The following TRIQK variants were observed in gnomAD, a reference collection of about 807,000 sequenced individuals.
TRIQK encodes triple QxxK/R motif-containing protein.
In TRIQK, 10 loss-of-function variants were observed where a neutral mutation model predicts 10.8. The ratio of observed to expected loss-of-function variants is 0.92; its 90% CI spans 0.57 to 1.57. The LOEUF (loss-of-function observed/expected upper bound fraction) is 1.57, where lower values mean the gene tolerates loss of function less well. TRIQK is among the 40% of genes most tolerant of loss of function. TRIQK has a pLI of 0.00. For missense variants in TRIQK, 107 were observed against 97.7 expected (o/e 1.09, Z -0.40); for synonymous variants, 33 against 33.7 (o/e 0.98, Z 0.07).
intron 1 of TRIQK, among the ~76,000 whole-genome samples, chr8:92,988,857 CT>C (rs1813065598): frequency 6.6e-6 from 1 of 152,112 alleles, no homozygotes; most frequent in Non-Finnish European, 1.5e-5. Context: ...ATATATTGAA[CT>C]GCATATCATA....
In TRIQK at chr8:92,939,433, C is replaced by T. The variant is rs77568110; in HGVS notation, c.-22+14973G>A. Among the ~76,000 whole-genome samples, 719 of 152,222 alleles carry T rather than the reference C, an allele frequency of 4.7e-3. 7 individuals carry two copies. The highest frequency in any genetic ancestry group is 0.016 in the African/African-American group (679 of 41,512). ...GCTCCACACAGCCAAAATGCCTACC[C>T]AATGACTCCATAAGGCAGGAAGACT... is the stretch of plus-strand genomic sequence containing the variant. On this transcript the variant is annotated intron_variant, in intron 2 of 4. Coordinates refer to ENST00000521988, the MANE Select transcript of TRIQK (RefSeq NM_001171797.2).
At position 92,928,935 on chromosome 8, in the gene TRIQK, T is replaced by C. The variant is rs539357496; in HGVS notation, c.-21-11925A>G. ...AAGTTAACTAAGTAGGCTAGAAAAA[T>C]GCAGCTAAGTTCCAAAAGTAATCTA... On this transcript the variant is annotated intron_variant, in intron 2 of 4. Transcript: ENST00000521988. Among the ~76,000 whole-genome samples the C allele has an allele frequency of 2.4e-4, 36 of 152,238 alleles. No homozygotes were observed. In the South Asian group the frequency reaches 7.5e-3, roughly 32 times the overall value.
intron 1 of TRIQK, among the ~76,000 whole-genome samples, chr8:92,985,046 T>C: frequency 6.6e-6 from 1 of 152,208 alleles, no homozygotes; most frequent in East Asian, 1.9e-4. Flanking sequence ...ATAAACTTAT[T>C]GTCCTAATTA....
At chr8:93,003,301 C>T (rs1026898976) in intron 1 of TRIQK, among the ~76,000 whole-genome samples, 4 of 105,258 alleles carry the variant, frequency 3.8e-5, no homozygotes, top group South Asian at 5.7e-4. Flanking sequence ...GCATGTTTCC[C>T]GCTTACAGGA....
intron 3 of TRIQK, among the ~76,000 whole-genome samples, chr8:92,901,631 GTTGGACTTTGGTTTA>G (rs905232300): frequency 3.9e-5 from 6 of 152,114 alleles, no homozygotes; most frequent in Admixed American, 3.9e-4. Flanking sequence ...TTAATGTGTT[GTTGGACTTTGGTTTA>G]CCAGAATTTG....
At chr8:93,001,449 G>A (rs1484079871) in intron 1 of TRIQK, among the ~76,000 whole-genome samples, 2 of 151,896 alleles carry the variant, frequency 1.3e-5, no homozygotes, top group Admixed American at 6.6e-5. Flanking sequence ...AAAGATATTC[G>A]ATGCAAATAG....
At chr8:92,928,572 T>G (rs1586441035) in intron 2 of TRIQK, among the ~76,000 whole-genome samples, 1 of 152,362 alleles carries the variant, frequency 6.6e-6, no homozygotes, top group East Asian at 1.9e-4. Context: ...TTTTGTTTTG[T>G]TTTTAAATTT....
chr8:92,914,246 T>TC (rs1187722373), intron 3 of TRIQK, among the ~76,000 whole-genome samples: 1 of 152,204 alleles, frequency 6.6e-6, no homozygotes, highest in Non-Finnish European at 1.5e-5. Context: ...AGAATGAATG[T>TC]CCCCCTTCTT....
At chr8:92,978,569 C>T (rs981527619) in intron 1 of TRIQK, among the ~76,000 whole-genome samples, 11 of 152,034 alleles carry the variant, frequency 7.2e-5, no homozygotes, top group Non-Finnish European at 5.9e-5. Flanking sequence ...CATGTGACAG[C>T]AGTAAGAATA....
intron 2 of TRIQK, among the ~76,000 whole-genome samples, chr8:92,951,971 T>C (rs1007927545): frequency 3.3e-5 from 5 of 151,936 alleles, no homozygotes; most frequent in African/African-American, 1.2e-4. Flanking sequence ...GTGTACCACA[T>C]AGCTCCATAC....
intron 3 of TRIQK, among the ~76,000 whole-genome samples, chr8:92,913,391 G>C (rs1809667828): frequency 1.3e-5 from 2 of 152,154 alleles, no homozygotes; most frequent in African/African-American, 2.4e-5. Flanking sequence ...CTGGTCATTA[G>C]AGAAATGCAA....
intron 3 of TRIQK, among the ~76,000 whole-genome samples, chr8:92,896,879 T>A (rs9642918): frequency 2.0e-5 from 3 of 151,054 alleles, no homozygotes; most frequent in African/African-American, 7.3e-5. Context: ...TGCAATGGCA[T>A]GATCCTGGCT....
At chr8:93,011,274 T>C (rs1813332059) in intron 1 of TRIQK, among the ~76,000 whole-genome samples, 1 of 151,710 alleles carries the variant, frequency 6.6e-6, no homozygotes, top group African/African-American at 2.4e-5. Flanking sequence ...TGTACTAAAA[T>C]AGCTAAAAGA....
At chr8:92,961,672 A>G (rs1215266781) in intron 1 of TRIQK, among the ~76,000 whole-genome samples, 1 of 152,218 alleles carries the variant, frequency 6.6e-6, no homozygotes, top group Non-Finnish European at 1.5e-5. Context: ...CATATAGTTC[A>G]TTATTCCATA....
At chr8:92,935,945 T>C (rs1810967124) in intron 2 of TRIQK, among the ~76,000 whole-genome samples, 1 of 151,618 alleles carries the variant, frequency 6.6e-6, no homozygotes, top group Non-Finnish European at 1.5e-5. Flanking sequence ...TGTTTAAAAA[T>C]CTACCCTTAA....
rs142410022 is a variant in TRIQK, at chr8:93,005,318, A to G, written c.-181+12291T>C. On this transcript the variant is annotated intron_variant, in intron 1 of 4. Transcript: ENST00000520686. ...AAGAGATAAGTGTTACACACTTTCA[A>G]ACAACCAGAGCTCATGATAACTCAC... 7.9e-5 allele frequency among the ~76,000 whole-genome samples: 12 copies of G among 152,352 alleles called. No homozygotes were observed. In the East Asian group the frequency reaches 2.1e-3, roughly 27 times the overall value.
intron 2 of TRIQK, among the ~76,000 whole-genome samples, chr8:92,932,277 C>G (rs577230363): frequency 6.6e-6 from 1 of 152,204 alleles, no homozygotes; most frequent in Admixed American, 6.6e-5. Context: ...ATATAACTAC[C>G]CCTAACTTCT....
intron 1 of TRIQK, among the ~76,000 whole-genome samples, chr8:92,976,377 C>G (rs1812931991): frequency 6.6e-6 from 1 of 151,990 alleles, no homozygotes; most frequent in Non-Finnish European, 1.5e-5. Flanking sequence ...ACTCCTTCAT[C>G]ATTATGAAAT....
chr8:92,917,568 T>C (rs1272134279), intron 2 of TRIQK, among the ~76,000 whole-genome samples: 1 of 152,020 alleles, frequency 6.6e-6, no homozygotes, highest in East Asian at 1.9e-4. Context: ...TATTACCTTA[T>C]ATGCACTGTT....
Sources: allele counts gnomAD v4.1 joint callset (sites outside exome capture counted in the v4.1 genomes callset), GRCh38; gene constraint gnomAD v4.1.1; transcripts MANE v1.5; gene names NCBI Gene and HGNC (gene_info 2026-07-23, HGNC 2026-07-21).